The following LITAF variants were observed in gnomAD, a reference collection of about 807,000 sequenced individuals.
LITAF encodes lipopolysaccharide-induced tumor necrosis factor-alpha factor.
Under a neutral mutation model 14.5 loss-of-function variants are expected in LITAF, and 9 were observed. The ratio of observed to expected loss-of-function variants is 0.62; its 90% CI spans 0.37 to 1.08. The LOEUF is 1.08. Among genes scored for constraint, LITAF ranks in the 50% least tolerant of loss-of-function variants. The pLI, the probability that LITAF is intolerant of heterozygous loss-of-function variation, is 0.01. For synonymous variants in LITAF, 98 were observed against 88.2 expected (o/e 1.11, Z -0.62); for missense variants, 206 against 213.4 (o/e 0.97, Z 0.22).
At chr16:11,615,871 C>G (rs1156886019) in intron 3 of LITAF, among the ~76,000 whole-genome samples, 1 of 151,944 alleles carries the variant, frequency 6.6e-6, no homozygotes, top group Non-Finnish European at 1.5e-5. Flanking sequence ...TGTGGGGGTA[C>G]CTAGATAGCT....
At position 11,632,637 on chromosome 16, in the gene LITAF, G is replaced by C. The variant is rs369791182; in HGVS notation, c.85+896C>G. ...ATCTGGAGGAAGCCCCACCGAGCCA[G>C]AGCCAGGGGAAGAACTGATGGCTGG... On this transcript the variant is annotated intron_variant, in intron 3 of 3. Coordinates refer to the LITAF transcript ENST00000574848. The surrounding 1 kb of genome is among the most constrained non-coding windows in gnomAD (Gnocchi z 4.8). Among the ~76,000 whole-genome samples the C allele has an allele frequency of 8.5e-5, 13 of 152,324 alleles. No individual in the cohort carries two copies. The highest frequency in any genetic ancestry group is 2.9e-4 in the African/African-American group (12 of 41,576).
intron 1 of LITAF, among the ~76,000 whole-genome samples, chr16:11,574,001 G>GT (rs2064589044): frequency 8.2e-6 from 1 of 121,942 alleles, no homozygotes; most frequent in Non-Finnish European, 1.8e-5. Flanking sequence ...GGTGCCCGGC[G>GT]TTTTTTTGGT....
At chr16:11,609,165 G>T (rs954738988) in intron 3 of LITAF, among the ~76,000 whole-genome samples, 3 of 151,826 alleles carry the variant, frequency 2.0e-5, no homozygotes, top group African/African-American at 4.8e-5. Flanking sequence ...TGACAGTGGT[G>T]ACAGTTGCAC....
At chr16:11,601,568 G>T (rs1035926312), upstream of LITAF, among the ~76,000 whole-genome samples, 9 of 151,852 alleles carry the variant, frequency 5.9e-5, no homozygotes, top group African/African-American at 2.2e-4. Flanking sequence ...AGCCGCTTTT[G>T]TTTATTTATT....
At chr16:11,593,731 A>G (rs901861254) in intron 1 of LITAF, among the ~76,000 whole-genome samples, 3 of 152,234 alleles carry the variant, frequency 2.0e-5, no homozygotes, top group Non-Finnish European at 4.4e-5. Context: ...CACATTTTGT[A>G]AAATGAAACC....
intron 2 of LITAF, among the ~76,000 whole-genome samples, chr16:11,554,296 A>G (rs1228682811): frequency 6.6e-6 from 1 of 151,762 alleles, no homozygotes; most frequent in Admixed American, 6.6e-5. Context: ...TAAATAATCC[A>G]CTCTCTTTAC....
chr16:11,575,757 G>C (rs1201035923), intron 1 of LITAF, among the ~76,000 whole-genome samples: 1 of 152,150 alleles, frequency 6.6e-6, no homozygotes, highest in Non-Finnish European at 1.5e-5. Context: ...AAAAAACCAA[G>C]TTGAAACACA....
At chr16:11,555,717 G>C (rs1452913698) in intron 2 of LITAF, among the ~76,000 whole-genome samples, 1 of 151,442 alleles carries the variant, frequency 6.6e-6, no homozygotes, top group East Asian at 1.9e-4. Context: ...GATGGTCTAA[G>C]AATCTAAAGT....
chr16:11,589,411 A>G (rs899947760), upstream of LITAF, among the ~76,000 whole-genome samples: 1 of 152,240 alleles, frequency 6.6e-6, no homozygotes, highest in Non-Finnish European at 1.5e-5. Context: ...ACCTCTGTCC[A>G]ACATTGTCCT....
At chr16:11,573,200 G>A (rs1303914148) in intron 1 of LITAF, among the ~76,000 whole-genome samples, 2 of 152,012 alleles carry the variant, frequency 1.3e-5, no homozygotes, top group African/African-American at 4.8e-5. Context: ...AAAGGCCAGG[G>A]GTTACAGGAG....
At chr16:11,577,913 G>A (rs970113798) in intron 1 of LITAF, among the ~76,000 whole-genome samples, 2 of 151,264 alleles carry the variant, frequency 1.3e-5, no homozygotes, top group Admixed American at 6.6e-5. Context: ...TTGTAGAGAT[G>A]GGGTCTTGCT....
chr16:11,613,457 G>C (rs2064995752), intron 3 of LITAF, among the ~76,000 whole-genome samples: 1 of 152,218 alleles, frequency 6.6e-6, no homozygotes, highest in African/African-American at 2.4e-5. Flanking sequence ...AGCTGGGTCT[G>C]AGGTGCCAGA....
At chr16:11,592,158 A>G (rs2064850869), upstream of LITAF, among the ~76,000 whole-genome samples, 2 of 152,266 alleles carry the variant, frequency 1.3e-5, no homozygotes, top group African/African-American at 2.4e-5. Flanking sequence ...GAGAGTAAAA[A>G]GACAACCCAC....
At chr16:11,582,288 A>G (rs2064749793) in intron 1 of LITAF, among the ~76,000 whole-genome samples, 1 of 149,858 alleles carries the variant, frequency 6.7e-6, no homozygotes, top group East Asian at 2.0e-4. Flanking sequence ...CAAGAGCAAG[A>G]TATAGTGAAA....
intron 3 of LITAF, among the ~76,000 whole-genome samples, chr16:11,610,908 A>T (rs542355316): frequency 6.6e-6 from 1 of 152,086 alleles, no homozygotes; most frequent in East Asian, 1.9e-4. Flanking sequence ...ACGGAACAAG[A>T]CCTCACGACA....
At chr16:11,550,674 T>A (rs2064169092) in intron 3 of LITAF, among the ~76,000 whole-genome samples, 1 of 152,128 alleles carries the variant, frequency 6.6e-6, no homozygotes, top group East Asian at 1.9e-4. Flanking sequence ...TTTGTTTGTT[T>A]TTGTAGAGAT....
In LITAF at chr16:11,553,477, C is replaced by T; in HGVS notation, c.377+56G>A. On this transcript the variant is annotated intron_variant, in intron 3 of 3. Transcript: ENST00000622633. The surrounding 1 kb of genome is among the most constrained non-coding windows in gnomAD (Gnocchi z 7.7). ...TGGTGCAGTTGAGAACCCACCCCCG[C>T]CAGCACCCAGAGAGAAGGGCAGGAT... The T allele has an allele frequency of 6.3e-7, 1 of 1,599,078 alleles. No homozygotes were observed. The highest frequency in any genetic ancestry group is 8.5e-7 in the Non-Finnish European group (1 of 1,169,612).
intron 3 of LITAF, chr16:11,633,436 C>T (rs962425152): frequency 2.6e-5 from 4 of 152,178 alleles, no homozygotes; most frequent in Admixed American, 6.6e-5. Context: ...GTTAGGCATT[C>T]TAAGTCACGG....
intron 1 of LITAF, among the ~76,000 whole-genome samples, chr16:11,573,893 G>C (rs1395440527): frequency 6.6e-6 from 1 of 151,742 alleles, no homozygotes; most frequent in African/African-American, 2.4e-5. Flanking sequence ...GTAGAGATGG[G>C]GTTTCACCAC....
Sources: allele counts gnomAD v4.1 joint callset (sites outside exome capture counted in the v4.1 genomes callset), GRCh38; gene constraint gnomAD v4.1.1; non-coding constraint Gnocchi (gnomAD v3.1); transcripts MANE v1.5; gene names NCBI Gene and HGNC (gene_info 2026-07-23, HGNC 2026-07-21).